Variants in PCDHA8 observed in about 807,000 individuals in gnomAD.
The protein encoded by PCDHA8 is protocadherin alpha 8, also known as protocadherin alpha-8.
Under a neutral mutation model 61.8 loss-of-function variants are expected in PCDHA8, and 53 were observed. The ratio of observed to expected loss-of-function variants is 0.86; its 90% CI spans 0.69 to 1.08. The LOEUF (loss-of-function observed/expected upper bound fraction) is 1.08. PCDHA8 is among the 50% of genes least tolerant of loss of function. The probability of loss-of-function intolerance (pLI) is 0.00; values close to 1 mark genes in which losing one functional copy is unlikely to be tolerated. For missense variants in PCDHA8, 1,293 were observed against 1,245.0 expected, an observed-to-expected ratio of 1.04 and a Z score of -0.58; for synonymous variants, 618 against 556.6, an observed-to-expected ratio of 1.11 and a Z score of -1.55.
At chr5:140,943,789 T>C (rs2093567416) in intron 1 of PCDHA8, among the ~76,000 whole-genome samples, 1 of 152,228 alleles carries the variant, frequency 6.6e-6, no homozygotes, top group African/African-American at 2.4e-5. Flanking sequence ...TGGTCCTTTA[T>C]GCAAAGCAAA....
intron 1 of PCDHA8, chr5:140,866,685 A>T (rs2049496850): frequency 6.6e-6 from 1 of 152,190 alleles, no homozygotes; most frequent in Admixed American, 6.5e-5. Context: ...TAGGTCTGTT[A>T]GAATATCAGT....
At chr5:140,923,468 G>T (rs2081380588) in intron 1 of PCDHA8, among the ~76,000 whole-genome samples, 1 of 152,098 alleles carries the variant, frequency 6.6e-6, no homozygotes, top group African/African-American at 2.4e-5. Flanking sequence ...GGTAGGGGCT[G>T]CAGTGAGCCA....
intron 1 of PCDHA8, chr5:140,968,340 A>G: frequency 6.2e-7 from 1 of 1,614,136 alleles, no homozygotes; most frequent in African/African-American, 1.3e-5. Context: ...GTCTCCATTA[A>G]CAGTGCCAGT....
chr5:140,875,771 C>A (rs182160950), intron 1 of PCDHA8: 3 of 1,614,080 alleles, frequency 1.9e-6, no homozygotes, highest in Non-Finnish European at 2.5e-6. Context: ...GGGCGGAGCG[C>A]GGAGTGCAGT....
chr5:140,948,986 T>C (rs2094331337), intron 1 of PCDHA8, among the ~76,000 whole-genome samples: 1 of 151,752 alleles, frequency 6.6e-6, no homozygotes, highest in Non-Finnish European at 1.5e-5. Context: ...ACTGCTTTAT[T>C]TGCATTTTAC....
At chr5:140,928,809 GGACCATGGA>G (rs1563109708) in intron 1 of PCDHA8, 1 of 1,614,078 alleles carries the variant, frequency 6.2e-7, no homozygotes, top group Non-Finnish European at 8.5e-7. Flanking sequence ...TAGTGGTTCG[GGACCATGGA>G]GACCCACCAC....
intron 1 of PCDHA8, chr5:140,876,601 C>G: frequency 6.2e-7 from 1 of 1,614,152 alleles, no homozygotes; most frequent in Non-Finnish European, 8.5e-7. Context: ...CGTGTCGGAT[C>G]GTGACTCTGG....
chr5:140,884,820 T>C (rs1318105542), intron 1 of PCDHA8: 4 of 1,013,184 alleles, frequency 3.9e-6, no homozygotes, highest in African/African-American at 3.3e-5. Context: ...GTGGACATTA[T>C]GTGTTGGATT....
At chr5:140,975,938 T>C (rs2096690603) in intron 1 of PCDHA8, among the ~76,000 whole-genome samples, 1 of 152,160 alleles carries the variant, frequency 6.6e-6, no homozygotes, top group Admixed American at 6.5e-5. Context: ...TTTGAAGCAA[T>C]AGGACATATT....
chr5:141,011,102 CT>C lies in PCDHA8; in HGVS notation c.*1166del, dbSNP rs2098419453. The C allele has an allele frequency of 1.3e-5, 2 of 153,744 alleles. No homozygotes were observed. The highest frequency in any genetic ancestry group is 6.5e-5 in the Admixed American group (1 of 15,280). The allele number at this position is 153,744 out of a possible 1,614,324, so 9.5% of individuals were successfully genotyped here. On this transcript the variant is annotated 3_prime_UTR_variant, in exon 4 of 4. Transcript: ENST00000531613. ...ATGATCTCTCTTTCTCTCTCTCTCT[CT>C]CTTTTCTAAGAAACAATTATGTGCA...
chr5:140,903,334 G>A (rs1451948444), intron 1 of PCDHA8, among the ~76,000 whole-genome samples: 2 of 152,132 alleles, frequency 1.3e-5, no homozygotes, highest in Non-Finnish European at 2.9e-5. Context: ...TTGAGGAAAG[G>A]ATGCATTTTA....
chr5:140,869,247 C>T (rs1186478553), intron 1 of PCDHA8: 8 of 1,613,526 alleles, frequency 5.0e-6, no homozygotes, highest in Middle Eastern at 1.7e-4. Flanking sequence ...TGGGCCGCAT[C>T]GCGCAGGACC....
chr5:140,854,118 C>T lies in PCDHA8; in HGVS notation c.2394+10403C>T, dbSNP rs541457983. The T allele has an allele frequency of 1.9e-3, 584 of 313,350 alleles. 14 individuals carry two copies. The highest frequency in any genetic ancestry group is 2.3e-3 in the Non-Finnish European group (544 of 232,056). 19.4% of individuals were successfully genotyped at this position (313,350 alleles called of 1,614,324 possible). A position where few individuals can be genotyped will look rare whatever the true frequency, so the allele number is the denominator to read the frequency against. ...TTGAGGCTGCAGTGAACTGTGATGG[C>T]ACAACTGCATTTCAGCCCGGGTGAC... On this transcript the variant is annotated intron_variant, in intron 1 of 3. Transcript: ENST00000531613.
intron 1 of PCDHA8, among the ~76,000 whole-genome samples, chr5:140,944,779 T>C (rs1022054674): frequency 6.6e-6 from 1 of 152,228 alleles, no homozygotes; most frequent in African/African-American, 2.4e-5. Flanking sequence ...CCTCCTGTTA[T>C]TGTATTTTAC....
chr5:140,940,164 AT>A (rs1407801775), intron 1 of PCDHA8, among the ~76,000 whole-genome samples: 1 of 152,170 alleles, frequency 6.6e-6, no homozygotes, highest in African/African-American at 2.4e-5. Flanking sequence ...TTTGCCTGAA[AT>A]GTCATTCTTG....
At chr5:140,971,615 G>C (rs2096488487) in intron 1 of PCDHA8, among the ~76,000 whole-genome samples, 1 of 152,030 alleles carries the variant, frequency 6.6e-6, no homozygotes, top group East Asian at 1.9e-4. Flanking sequence ...GGAGAGTCCT[G>C]GGGTACAATT....
chr5:140,946,631 T>TATATACACAC (rs57893927), intron 1 of PCDHA8, among the ~76,000 whole-genome samples: 7 of 131,846 alleles, frequency 5.3e-5, no homozygotes, highest in Non-Finnish European at 1.1e-4. Context: ...TATATATATA[T>TATATACACAC]ACAATGGAAT....
rs112338455 is a variant in PCDHA8 at position 140,903,390 on chromosome 5, A to G, written c.2394+59675A>G. ...TATAGGGAGGATTGTGGTTACTTCT[A>G]GAAACAGTAGTGCAGTCAGGAAAAA... On this transcript the variant is annotated intron_variant, in intron 1 of 3. Coordinates refer to ENST00000531613, the MANE Select transcript of PCDHA8 (RefSeq NM_018911.3). Among the ~76,000 whole-genome samples the G allele has an allele frequency of 4.3e-3, 662 of 152,354 alleles. 6 individuals are homozygous for G. Among genetic ancestry groups the G allele is most frequent in the African/African-American group, 0.015 (618 of 41,596 alleles).
chr5:140,862,777 C>T, intron 1 of PCDHA8: 1 of 577,324 alleles, frequency 1.7e-6, no homozygotes, highest in Non-Finnish European at 3.3e-6. Context: ...CGCGTTGCAG[C>T]CACTGGACTA....
Sources: gnomAD v4.1 joint callset for allele counts (sites outside exome capture counted in the v4.1 genomes callset) on GRCh38, gnomAD v4.1.1 for gene constraint, MANE v1.5 for transcripts, NCBI Gene and HGNC (gene_info 2026-07-23, HGNC 2026-07-21) for gene names.